LRRC58: variants seen among roughly 807,000 people sequenced by gnomAD.
The protein encoded by LRRC58 is leucine rich repeat containing 58.
LRRC58 carries 18 observed loss-of-function variants against 30.6 expected under a neutral mutation model. The ratio of observed to expected loss-of-function variants is 0.59; its 90% CI spans 0.41 to 0.87. The LOEUF is 0.87. LRRC58 is among the 40% of genes least tolerant of loss of function. The pLI, the probability that LRRC58 is intolerant of heterozygous loss-of-function variation, is 0.00. For synonymous variants in LRRC58, 221 were observed against 206.0 expected (o/e 1.07, Z -0.62); for missense variants, 420 against 468.4 (o/e 0.90, Z 0.95).
At position 120,348,786 on chromosome 3, in the gene LRRC58, T is replaced by C. The variant is rs773749669; in HGVS notation, c.458A>G (p.Asn153Ser). The C allele has an allele frequency of 5.0e-6, 8 of 1,605,734 alleles. No individual in the cohort carries two copies. The highest frequency in any genetic ancestry group is 3.4e-5 in the South Asian group (3 of 89,342). ...CTCAGCCGGGATGCTCTGCAGTTGG[T>C]TGCCGCCCAGGCTCAGGGTCTGCAG... is the stretch of plus-strand genomic sequence containing the variant. ...RALQTLSLGG[N>S]QLQSIPAEIE... Residue 153 changes from asparagine (N) to serine (S), a missense_variant, in exon 1 of 4, where the codon AAC becomes AGC. Physicochemically the swap from Asn to Ser is conservative, Grantham distance 46. Coordinates refer to ENST00000295628, the MANE Select transcript of LRRC58 (RefSeq NM_001099678.2).
chr3:120,347,963 A>G (rs1935994703), intron 1 of LRRC58, among the ~76,000 whole-genome samples: 1 of 152,214 alleles, frequency 6.6e-6, no homozygotes, highest in South Asian at 2.1e-4. Context: ...ACAAGGAATC[A>G]TATCCAATAA....
chr3:120,342,233 G>C (rs75248627), intron 1 of LRRC58, among the ~76,000 whole-genome samples: 2,250 of 152,278 alleles, frequency 0.015, 23 homozygotes, highest in Non-Finnish European at 0.022. Flanking sequence ...TGAAGGCTGG[G>C]GGCCAAGCTG....
chr3:120,334,494 C>T (rs1055295195), intron 3 of LRRC58, among the ~76,000 whole-genome samples: 3 of 150,068 alleles, frequency 2.0e-5, no homozygotes, highest in African/African-American at 7.5e-5. Flanking sequence ...GGCAACAGAG[C>T]AAGACTCTGT....
intron 1 of LRRC58, among the ~76,000 whole-genome samples, chr3:120,346,127 C>T (rs1375329776): frequency 1.3e-5 from 2 of 152,050 alleles, no homozygotes; most frequent in African/African-American, 4.8e-5. Context: ...CGTGATGGCA[C>T]GCTCCTGTGG....
At chr3:120,341,316 A>G (rs186250043) in intron 1 of LRRC58, among the ~76,000 whole-genome samples, 26 of 152,340 alleles carry the variant, frequency 1.7e-4, no homozygotes, top group Non-Finnish European at 2.9e-4. Context: ...GACTATTTCA[A>G]TGAGAATACT....
rs1317384362 is a variant in LRRC58, at chr3:120,328,453, G to C, written c.*2747C>G. ...TTATGCTTAGGCAGTTTTATCCATAGTTTTGGTCACTAAAATCGTCCAAGT... is the reference window on the plus strand; with the variant it reads ...TTATGCTTAGGCAGTTTTATCCATACTTTTGGTCACTAAAATCGTCCAAGT... On this transcript the variant is annotated 3_prime_UTR_variant, in exon 4 of 4. Coordinates refer to ENST00000295628, the MANE Select transcript of LRRC58 (RefSeq NM_001099678.2). 1 of 152,184 alleles carries C rather than the reference G, an allele frequency of 6.6e-6. No homozygotes were observed. The highest frequency in any genetic ancestry group is 1.5e-5 in the Non-Finnish European group (1 of 68,018). The allele number at this position is 152,184 out of a possible 1,614,324, so 9.4% of individuals were successfully genotyped here. A position where few individuals can be genotyped will look rare whatever the true frequency, so the allele number is the denominator to read the frequency against.
rs759018142 is a variant in LRRC58 at position 120,348,867 on chromosome 3, T to C, written c.377A>G (p.Asn126Ser). Residue 126 changes from asparagine (N) to serine (S), a missense_variant, in exon 1 of 4, where the codon AAC becomes AGC. Asn to Ser is a conservative substitution (Grantham distance 46). This residue lies in a region of LRRC58 where 266 missense variants were observed against 251.7 expected (regional missense o/e 1.06). Coordinates refer to ENST00000295628, the MANE Select transcript of LRRC58 (RefSeq NM_001099678.2). ...SPLCRSLQVL[N>S]LSGNCFQEVP... ...CTCCTGGAAACAGTTGCCGCTGAGG[T>C]TGAGCACCTGGAGGCTGCGGCAGAG... The C allele has an allele frequency of 6.3e-7, 1 of 1,599,572 alleles. No individual in the cohort carries two copies. The highest frequency in any genetic ancestry group is 8.5e-7 in the Non-Finnish European group (1 of 1,174,118).
chr3:120,344,770 A>G (rs933888238), intron 1 of LRRC58, among the ~76,000 whole-genome samples: 3 of 152,222 alleles, frequency 2.0e-5, no homozygotes, highest in African/African-American at 7.2e-5. Context: ...AATAAAGTCT[A>G]TTGGCCATTG....
At chr3:120,339,041 A>T (rs1033972649) in intron 1 of LRRC58, among the ~76,000 whole-genome samples, 1 of 152,068 alleles carries the variant, frequency 6.6e-6, no homozygotes, top group African/African-American at 2.4e-5. Context: ...TTTAAGTGTA[A>T]ATTTTTATAA....
At chr3:120,334,823 G>A in intron 3 of LRRC58, 39 bp downstream of exon 3, 1 of 1,538,576 alleles carries the variant, frequency 6.5e-7, no homozygotes, top group Non-Finnish European at 8.8e-7. Context: ...TTAAAAAATA[G>A]CTAAATAAGT....
chr3:120,343,095 G>T (rs1045281458), intron 1 of LRRC58, among the ~76,000 whole-genome samples: 1 of 152,178 alleles, frequency 6.6e-6, no homozygotes, highest in Non-Finnish European at 1.5e-5. Context: ...AACATTAGTA[G>T]TTACCTTGAC....
chr3:120,342,482 C>T (rs1935916678), intron 1 of LRRC58, among the ~76,000 whole-genome samples: 1 of 152,128 alleles, frequency 6.6e-6, no homozygotes, highest in Non-Finnish European at 1.5e-5. Flanking sequence ...AGAGGAACCA[C>T]CCTCTCAGCT....
chr3:120,339,330 C>T (rs545836461), intron 1 of LRRC58, among the ~76,000 whole-genome samples: 1 of 152,234 alleles, frequency 6.6e-6, no homozygotes, highest in African/African-American at 2.4e-5. Flanking sequence ...TTAGTTCTAC[C>T]CCGATTTTCT....
intron 3 of LRRC58, among the ~76,000 whole-genome samples, chr3:120,332,743 T>G (rs1443247462): frequency 6.6e-6 from 1 of 151,690 alleles, no homozygotes; most frequent in African/African-American, 2.4e-5. Context: ...ATCTCAAATT[T>G]TAAACTGATA....
chr3:120,348,451 T>G (rs1180957339), intron 1 of LRRC58, among the ~76,000 whole-genome samples: 1 of 152,236 alleles, frequency 6.6e-6, no homozygotes, highest in Non-Finnish European at 1.5e-5. Context: ...GATTTACATC[T>G]GTTTTGAGTT....
chr3:120,344,840 G>T (rs1329990317), intron 1 of LRRC58, among the ~76,000 whole-genome samples: 1 of 151,990 alleles, frequency 6.6e-6, no homozygotes. Context: ...AAGAATAAAA[G>T]GTATGATTCA....
chr3:120,335,376 G>A (rs964790608), intron 2 of LRRC58, among the ~76,000 whole-genome samples: 1 of 152,220 alleles, frequency 6.6e-6, no homozygotes, highest in African/African-American at 2.4e-5. Context: ...AGAATGTTCT[G>A]ATGTGCTAAC....
Position 120,337,931 on chromosome 3 carries a change from C to T in LRRC58, c.501-1978G>A, listed in dbSNP as rs1416349307. Among the ~76,000 whole-genome samples the T allele has an allele frequency of 2.6e-5, 4 of 152,140 alleles. No homozygotes were observed. In the East Asian group the frequency reaches 5.8e-4, roughly 22 times the overall value. The stretch of plus-strand genomic sequence containing the variant: ...TCGGCTCACTGCAACCTCTGCCTCA[C>T]GAGTTAGGTCAAGCAATTCTTCTGC... On this transcript the variant is annotated intron_variant, in intron 1 of 3. Transcript: ENST00000295628.
chr3:120,328,941 T>C lies in LRRC58; in HGVS notation c.*2259A>G, dbSNP rs983532845. ...ATACTGTGGTATACATCTATATTCT[T>C]ATATGCAAAGGCCAGAAACTGTCTC... On this transcript the variant is annotated 3_prime_UTR_variant, in exon 4 of 4. Coordinates refer to ENST00000295628, the MANE Select transcript of LRRC58 (RefSeq NM_001099678.2). 2 of 152,182 alleles carry C rather than the reference T, an allele frequency of 1.3e-5. No individual in the cohort carries two copies. The highest frequency in any genetic ancestry group is 4.8e-5 in the African/African-American group (2 of 41,444). The allele number at this position is 152,182 out of a possible 1,614,324, so 9.4% of individuals were successfully genotyped here. A position where few individuals can be genotyped will look rare whatever the true frequency, so the allele number is the denominator to read the frequency against.
Sources: allele counts gnomAD v4.1 joint callset (sites outside exome capture counted in the v4.1 genomes callset), GRCh38; gene constraint gnomAD v4.1.1; regional missense constraint gnomAD v4.1.1; transcripts MANE v1.5; gene names NCBI Gene and HGNC (gene_info 2026-07-23, HGNC 2026-07-21).